Variants in ZNF469 observed in about 807,000 individuals in gnomAD.
ZNF469 encodes zinc finger protein 469.
Under a neutral mutation model 1.0 loss-of-function variants are expected in ZNF469, and 1 was observed. The observed-to-expected ratio is 1.00, with a 90% CI of 0.35 to 4.73. The LOEUF (loss-of-function observed/expected upper bound fraction) is 4.73. ZNF469 is among the 30% of genes most tolerant of loss of function. The probability of loss-of-function intolerance (pLI) is 0.16; values close to 1 mark genes in which losing one functional copy is unlikely to be tolerated. For missense variants in ZNF469, 6,100 were observed against 5,356.3 expected, an observed-to-expected ratio of 1.14 and a Z score of -4.33; for synonymous variants, 2,703 against 2,363.4, an observed-to-expected ratio of 1.14 and a Z score of -4.17.
chr16:88,208,296 A>G, the ZNF469 span, among the ~76,000 whole-genome samples: 3 of 151,500 alleles, frequency 2.0e-5, no homozygotes, highest in South Asian at 2.1e-4. Flanking sequence ...GCGTGCTGCA[A>G]TCTGGCGCTT....
chr16:88,337,766 G>T, the ZNF469 span, among the ~76,000 whole-genome samples: 2 of 152,224 alleles, frequency 1.3e-5, no homozygotes, highest in African/African-American at 4.8e-5. Flanking sequence ...GGCTGATGGT[G>T]TCAGGCATCT....
At chr16:88,129,704 A>G in the ZNF469 span, among the ~76,000 whole-genome samples, 4 of 152,166 alleles carry the variant, frequency 2.6e-5, no homozygotes, top group Non-Finnish European at 5.9e-5. Flanking sequence ...AATACAAAAA[A>G]ATATAAAAAG....
the ZNF469 span, among the ~76,000 whole-genome samples, chr16:88,188,256 C>A: frequency 6.6e-6 from 1 of 152,024 alleles, no homozygotes; most frequent in South Asian, 2.1e-4. Context: ...CCCCAGAGCA[C>A]CACAGGCTGC....
chr16:88,387,328 C>T (rs1022872744), intron 1 of ZNF469, among the ~76,000 whole-genome samples: 7 of 152,218 alleles, frequency 4.6e-5, no homozygotes, highest in East Asian at 1.9e-4. Flanking sequence ...CGGTTCTCCC[C>T]CCTTGGTCTG....
chr16:88,107,826 G>C, the ZNF469 span, among the ~76,000 whole-genome samples: 3 of 152,236 alleles, frequency 2.0e-5, no homozygotes, highest in African/African-American at 7.2e-5. Context: ...CAGCACTGTA[G>C]CCCTTGGCTT....
the ZNF469 span, among the ~76,000 whole-genome samples, chr16:88,112,511 G>C: frequency 2.0e-5 from 3 of 152,178 alleles, no homozygotes; most frequent in African/African-American, 7.2e-5. Flanking sequence ...TGGTAGCTTT[G>C]AGTTGCATTT....
intron 1 of ZNF469, among the ~76,000 whole-genome samples, chr16:88,421,677 C>G (rs9927883): frequency 0.86 from 131,534 of 152,246 alleles, 58,443 homozygotes; most frequent in East Asian, 1. Context: ...CCAGGAGATG[C>G]GAAGGACAGA....
chr16:88,382,256 G>A (rs922240672), upstream of ZNF469, among the ~76,000 whole-genome samples: 1 of 152,070 alleles, frequency 6.6e-6, no homozygotes, highest in African/African-American at 2.4e-5. Context: ...CATCTCCGCC[G>A]TGTGGCCTTG....
At chr16:88,351,606 C>T in the ZNF469 span, among the ~76,000 whole-genome samples, 2 of 152,116 alleles carry the variant, frequency 1.3e-5, no homozygotes, top group Non-Finnish European at 1.5e-5. Context: ...GCCGCCGACG[C>T]TCCAATGACA....
chr16:88,282,107 G>A, the ZNF469 span, among the ~76,000 whole-genome samples: 1 of 152,182 alleles, frequency 6.6e-6, no homozygotes, highest in African/African-American at 2.4e-5. Flanking sequence ...GTAGTCCATG[G>A]CAGATAAGGA....
the ZNF469 span, among the ~76,000 whole-genome samples, chr16:88,295,747 A>C: frequency 6.6e-6 from 1 of 152,196 alleles, no homozygotes; most frequent in South Asian, 2.1e-4. Flanking sequence ...TGTGCTTAGC[A>C]GTGCGAGGAT....
the ZNF469 span, among the ~76,000 whole-genome samples, chr16:88,303,097 C>T: frequency 6.6e-6 from 1 of 152,156 alleles, no homozygotes; most frequent in Admixed American, 6.5e-5. Flanking sequence ...TCCCTACTCC[C>T]CTGGTGTCTG....
At chr16:88,292,025 G>A in the ZNF469 span, among the ~76,000 whole-genome samples, 7 of 152,336 alleles carry the variant, frequency 4.6e-5, no homozygotes, top group South Asian at 2.1e-4. Flanking sequence ...TTTGGGGACC[G>A]AGGCTTTGGT....
chr16:88,373,446 G>A, the ZNF469 span, among the ~76,000 whole-genome samples: 3 of 152,156 alleles, frequency 2.0e-5, no homozygotes, highest in African/African-American at 4.8e-5. Context: ...GTGTGGAGGC[G>A]GATGGGGAGG....
the ZNF469 span, among the ~76,000 whole-genome samples, chr16:88,286,195 T>C: frequency 6.6e-6 from 1 of 152,124 alleles, no homozygotes; most frequent in Non-Finnish European, 1.5e-5. Context: ...AAGTCACAGG[T>C]CCCTCCAGTT....
intron 1 of ZNF469, among the ~76,000 whole-genome samples, chr16:88,394,137 C>A (rs1002313644): frequency 6.6e-6 from 1 of 150,870 alleles, no homozygotes; most frequent in Non-Finnish European, 1.5e-5. Flanking sequence ...TTTGACACGC[C>A]TACACCTGCG....
chr16:88,118,783 C>T, the ZNF469 span, among the ~76,000 whole-genome samples: 2 of 152,224 alleles, frequency 1.3e-5, no homozygotes. Context: ...TTAACTAATG[C>T]AGGCACCAGT....
chr16:88,246,020 A>G, the ZNF469 span, among the ~76,000 whole-genome samples: 1 of 152,264 alleles, frequency 6.6e-6, no homozygotes, highest in Non-Finnish European at 1.5e-5. Flanking sequence ...GCGCCATGCA[A>G]AGTTTATTGG....
chr16:88,161,407 C>T, the ZNF469 span, among the ~76,000 whole-genome samples: 2 of 152,152 alleles, frequency 1.3e-5, no homozygotes, highest in African/African-American at 4.8e-5. Context: ...CTATTCCCAA[C>T]ACAGTAGAAG....
Sources: gnomAD v4.1 joint callset for allele counts (sites outside exome capture counted in the v4.1 genomes callset) on GRCh38, gnomAD v4.1.1 for gene constraint, MANE v1.5 for transcripts, NCBI Gene and HGNC (gene_info 2026-07-23, HGNC 2026-07-21) for gene names.